Variants in PACRG observed in about 807,000 individuals in gnomAD.
The protein encoded by PACRG is parkin coregulated gene protein.
PACRG carries 29 observed loss-of-function variants against 29.7 expected under a neutral mutation model. The observed-to-expected ratio is 0.98, with a 90% CI of 0.73 to 1.33. The LOEUF is 1.33. Among genes scored for constraint, PACRG ranks in the 40% most tolerant of loss-of-function variants. PACRG has a pLI of 0.00. For missense variants in PACRG, 279 were observed against 316.2 expected (o/e 0.88, Z 0.89); for synonymous variants, 116 against 118.7 (o/e 0.98, Z 0.15).
intron 4 of PACRG, among the ~76,000 whole-genome samples, chr6:163,175,217 A>T (rs1321956359): frequency 6.6e-6 from 1 of 152,124 alleles, no homozygotes; most frequent in Non-Finnish European, 1.5e-5. Flanking sequence ...CCCTCCTAAG[A>T]TAATTAGGTT....
intron 4 of PACRG, among the ~76,000 whole-genome samples, chr6:163,206,064 A>T (rs2128151892): frequency 6.6e-6 from 1 of 152,298 alleles, no homozygotes; most frequent in Non-Finnish European, 1.5e-5. Flanking sequence ...AAAATAACAG[A>T]TGCTGACAAG....
intron 1 of PACRG, among the ~76,000 whole-genome samples, chr6:162,764,648 A>G (rs553382533): frequency 6.6e-6 from 1 of 152,196 alleles, no homozygotes; most frequent in African/African-American, 2.4e-5. Flanking sequence ...TGAATGGACT[A>G]TCCTTAGATT....
At chr6:163,171,099 G>A (rs1268577467) in intron 4 of PACRG, among the ~76,000 whole-genome samples, 1 of 152,082 alleles carries the variant, frequency 6.6e-6, no homozygotes, top group East Asian at 1.9e-4. Context: ...ATGCAGGTTC[G>A]ACCATAATTT....
chr6:162,872,244 C>T (rs1562684043), intron 2 of PACRG, among the ~76,000 whole-genome samples: 1 of 148,876 alleles, frequency 6.7e-6, no homozygotes, highest in African/African-American at 2.5e-5. Flanking sequence ...TGCTCAGTGT[C>T]ATTGGAAGAC....
At chr6:163,002,397 A>G (rs944885976) in intron 2 of PACRG, among the ~76,000 whole-genome samples, 2 of 152,166 alleles carry the variant, frequency 1.3e-5, no homozygotes, top group African/African-American at 4.8e-5. Flanking sequence ...TGACCTTCAA[A>G]ATGCCTTCTA....
chr6:162,804,919 CA>C (rs1250187267), intron 1 of PACRG, among the ~76,000 whole-genome samples: 4 of 152,146 alleles, frequency 2.6e-5, no homozygotes, highest in African/African-American at 9.7e-5. Context: ...TGTACTTACA[CA>C]AACTTAGATG....
chr6:163,116,527 G>A (rs1175091066), intron 4 of PACRG, among the ~76,000 whole-genome samples: 1 of 152,220 alleles, frequency 6.6e-6, no homozygotes, highest in Non-Finnish European at 1.5e-5. Flanking sequence ...CAGAACAACA[G>A]TGTGTGCAGA....
Position 163,219,417 on chromosome 6 carries a change from G to C in PACRG, c.614-95410G>C, listed in dbSNP as rs570129727. Reference sequence around the variant, plus strand: ...TCTTCCCAAGCCTTCACTGTCTCTGGGTTGAACTTCTGCATTTGTCTTCTA... The same window carrying C: ...TCTTCCCAAGCCTTCACTGTCTCTGCGTTGAACTTCTGCATTTGTCTTCTA... On this transcript the variant is annotated intron_variant, in intron 4 of 4. Transcript: ENST00000366888. Among the ~76,000 whole-genome samples the C allele has an allele frequency of 2.6e-5, 4 of 152,250 alleles. No individual in the cohort carries two copies. The East Asian group carries it at 7.7e-4, about 29-fold the overall frequency.
intron 1 of PACRG, among the ~76,000 whole-genome samples, chr6:162,792,781 G>A (rs530629249): frequency 2.6e-5 from 4 of 152,306 alleles, no homozygotes; most frequent in South Asian, 4.1e-4. Context: ...CCTGATGACC[G>A]ACTGTGAGCA....
chr6:162,915,168 A>G (rs1311322037), intron 2 of PACRG, among the ~76,000 whole-genome samples: 2 of 152,048 alleles, frequency 1.3e-5, no homozygotes, highest in Admixed American at 6.6e-5. Context: ...AATAACCATT[A>G]TCTACTTGAG....
intron 4 of PACRG, among the ~76,000 whole-genome samples, chr6:163,224,579 A>G (rs1781713924): frequency 6.6e-6 from 1 of 152,112 alleles, no homozygotes; most frequent in Admixed American, 6.6e-5. Context: ...AGAACATAAC[A>G]CAGGGAAGGG....
chr6:163,235,050 A>G (rs1351269501), intron 4 of PACRG, among the ~76,000 whole-genome samples: 1 of 152,220 alleles, frequency 6.6e-6, no homozygotes, highest in African/African-American at 2.4e-5. Context: ...CTGAAGGTAC[A>G]AAAAAGAAAG....
chr6:163,218,818 C>T (rs11966842), intron 4 of PACRG, among the ~76,000 whole-genome samples: 114,630 of 152,168 alleles, frequency 0.75, 43,950 homozygotes, highest in African/African-American at 0.9. Flanking sequence ...ATGTATATAG[C>T]CCAGTGGATC....
At chr6:163,277,769 C>G (rs909096094) in intron 4 of PACRG, among the ~76,000 whole-genome samples, 3 of 151,534 alleles carry the variant, frequency 2.0e-5, no homozygotes, top group South Asian at 2.1e-4. Flanking sequence ...CATGTTTTTG[C>G]AATTGTAAAT....
intron 2 of PACRG, among the ~76,000 whole-genome samples, chr6:163,010,771 C>A (rs866580702): frequency 6.6e-6 from 1 of 152,194 alleles, no homozygotes; most frequent in Non-Finnish European, 1.5e-5. Flanking sequence ...CAGAAGGAGA[C>A]CCCAGGGAAT....
intron 4 of PACRG, among the ~76,000 whole-genome samples, chr6:163,142,371 A>C (rs1220606709): frequency 6.6e-6 from 1 of 152,206 alleles, no homozygotes; most frequent in Non-Finnish European, 1.5e-5. Flanking sequence ...ATGCAAATGA[A>C]TTTGGAATTC....
At position 163,076,691 on chromosome 6, in the gene PACRG, T is replaced by A. The variant is rs572320569; in HGVS notation, c.464-12568T>A. Among the ~76,000 whole-genome samples the A allele has an allele frequency of 4.1e-4, 63 of 152,340 alleles. 1 individual carries two copies. The highest frequency in any genetic ancestry group is 3.4e-3 in the Middle Eastern group (1 of 294). On this transcript the variant is annotated intron_variant, in intron 3 of 4. Coordinates refer to ENST00000366888, the MANE Select transcript of PACRG (RefSeq NM_001080379.2). ...GTGCCGTAGAACTTGCCTTGCACTT[T>A]TCTAATTCTTTGTCTTCGCTCATTT...
chr6:163,207,857 A>G (rs935075660), intron 4 of PACRG, among the ~76,000 whole-genome samples: 25 of 152,244 alleles, frequency 1.6e-4, no homozygotes, highest in African/African-American at 5.5e-4. Flanking sequence ...ATCACTGTTC[A>G]CAAATATTCA....
chr6:163,086,447 G>T (rs1450056824), intron 3 of PACRG, among the ~76,000 whole-genome samples: 2 of 152,144 alleles, frequency 1.3e-5, no homozygotes, highest in Non-Finnish European at 2.9e-5. Context: ...CTGCTGTAAT[G>T]AGCCATCATG....
Sources: allele counts gnomAD v4.1 joint callset (sites outside exome capture counted in the v4.1 genomes callset), GRCh38; gene constraint gnomAD v4.1.1; transcripts MANE v1.5; gene names NCBI Gene and HGNC (gene_info 2026-07-23, HGNC 2026-07-21).